The following AFG2B variants were observed in gnomAD, a reference collection of about 807,000 sequenced individuals.
The protein encoded by AFG2B is ATPase family gene 2 protein homolog B.
At chr15:45,417,674 C>T in the AFG2B span, 2 of 310,114 alleles carry the variant, frequency 6.4e-6, no homozygotes, top group Non-Finnish European at 1.2e-5. Flanking sequence ...GTGGAGGAAT[C>T]CTAAAGTGTT....
the AFG2B span, chr15:45,415,758 G>C: frequency 1.2e-6 from 2 of 1,613,666 alleles, no homozygotes; most frequent in African/African-American, 2.7e-5. Context: ...AGAGAGAAGA[G>C]GAAGTAAATC....
chr15:45,407,244 T>C, the AFG2B span: 103 of 1,185,686 alleles, frequency 8.7e-5, no homozygotes, highest in African/African-American at 1.5e-3. Flanking sequence ...CATCTTTTAT[T>C]CTTTCCCCCA....
At chr15:45,409,111 C>T in the AFG2B span, among the ~76,000 whole-genome samples, 6 of 152,102 alleles carry the variant, frequency 3.9e-5, no homozygotes, top group Non-Finnish European at 8.8e-5. Context: ...TGCGGTGGCT[C>T]ACACCTATAA....
the AFG2B span, chr15:45,415,549 T>A: frequency 6.4e-7 from 1 of 1,551,546 alleles, no homozygotes; most frequent in Non-Finnish European, 8.9e-7. Flanking sequence ...GACTAATGTA[T>A]AACATATAGC....
the AFG2B span, among the ~76,000 whole-genome samples, chr15:45,408,853 C>T: frequency 6.6e-6 from 1 of 152,178 alleles, no homozygotes; most frequent in African/African-American, 2.4e-5. Flanking sequence ...TGCCACTGCA[C>T]TCCAGCCTGG....
the AFG2B span, chr15:45,402,448 C>T: frequency 6.2e-7 from 1 of 1,604,432 alleles, no homozygotes; most frequent in Non-Finnish European, 8.5e-7. Context: ...GGACTCGGAT[C>T]CCTTCCCTGA....
the AFG2B span, chr15:45,421,005 G>A: frequency 1.3e-6 from 2 of 1,590,830 alleles, no homozygotes; most frequent in Admixed American, 1.8e-5. Context: ...AGAAAAAAAA[G>A]CAAAAGAAAT....
chr15:45,403,480 G>A, the AFG2B span: 1 of 1,607,326 alleles, frequency 6.2e-7, no homozygotes, highest in Non-Finnish European at 8.5e-7. Flanking sequence ...GGACGCTCTA[G>A]ACCCAGCGCT....
the AFG2B span, among the ~76,000 whole-genome samples, chr15:45,414,178 T>C: frequency 1.3e-5 from 2 of 152,158 alleles, no homozygotes; most frequent in African/African-American, 4.8e-5. Context: ...CTCCAAGGAA[T>C]TGACACCTGC....
At chr15:45,407,533 C>G in the AFG2B span, among the ~76,000 whole-genome samples, 1 of 152,090 alleles carries the variant, frequency 6.6e-6, no homozygotes, top group South Asian at 2.1e-4. Context: ...ATACTATCAG[C>G]CAGTTAAAAA....
At chr15:45,403,074 CCTCCGCCTCCCG>C in the AFG2B span, 3 of 1,532,362 alleles carry the variant, frequency 2.0e-6, no homozygotes, top group Non-Finnish European at 2.6e-6. Context: ...TGCGGGAGCT[CCTCCGCCTCCCG>C]CTCCGCTACC....
chr15:45,404,833 A>T, the AFG2B span, among the ~76,000 whole-genome samples: 49,435 of 147,742 alleles, frequency 0.33, 9,181 homozygotes, highest in East Asian at 0.82. Context: ...AGAAAAAAAA[A>T]ATATATATAT....
the AFG2B span, among the ~76,000 whole-genome samples, chr15:45,412,790 T>C: frequency 6.6e-6 from 1 of 152,200 alleles, no homozygotes; most frequent in Non-Finnish European, 1.5e-5. Flanking sequence ...ACAATATGGC[T>C]ACCTGATAGT....
chr15:45,415,660 G>C, the AFG2B span: 4 of 1,614,036 alleles, frequency 2.5e-6, no homozygotes, highest in Non-Finnish European at 3.4e-6. Context: ...TTGGGAGCTC[G>C]CTCAGCCAGC....
the AFG2B span, among the ~76,000 whole-genome samples, chr15:45,413,908 A>T: frequency 1.3e-5 from 2 of 152,052 alleles, no homozygotes; most frequent in Admixed American, 6.6e-5. Flanking sequence ...GTGGTTAAAA[A>T]CCATTTACCT....
chr15:45,414,093 A>G, the AFG2B span, among the ~76,000 whole-genome samples: 1 of 152,188 alleles, frequency 6.6e-6, no homozygotes, highest in South Asian at 2.1e-4. Flanking sequence ...CTTTAAAAGT[A>G]AAGGATGGGC....
chr15:45,419,398 G>A, the AFG2B span, among the ~76,000 whole-genome samples: 1 of 151,846 alleles, frequency 6.6e-6, no homozygotes, highest in South Asian at 2.1e-4. Flanking sequence ...GGAAGCGAAG[G>A]TTGCAGTAAG....
chr15:45,419,393 C>G, the AFG2B span, among the ~76,000 whole-genome samples: 1 of 151,288 alleles, frequency 6.6e-6, no homozygotes, highest in Non-Finnish European at 1.5e-5. Context: ...GCCTGGGAAG[C>G]GAAGGTTGCA....
chr15:45,414,880 TA>T, the AFG2B span: 2 of 1,036,354 alleles, frequency 1.9e-6, no homozygotes, highest in South Asian at 3.3e-5. Context: ...TTTTTCCAGT[TA>T]AAAAATTTAT....
Sources: allele counts gnomAD v4.1 joint callset (sites outside exome capture counted in the v4.1 genomes callset), GRCh38; gene constraint gnomAD v4.1.1; transcripts MANE v1.5; gene names NCBI Gene and HGNC (gene_info 2026-07-23, HGNC 2026-07-21).